NBEA: variants seen among roughly 807,000 people sequenced by gnomAD.
The protein encoded by NBEA is lysosomal-trafficking regulator 2.
A neutral mutation model predicts 343.4 loss-of-function variants in NBEA; 44 were observed. The observed-to-expected ratio is 0.13, with a 90% CI of 0.10 to 0.16. NBEA has a LOEUF of 0.16. Among genes scored for constraint, NBEA ranks in the 10% least tolerant of loss-of-function variants. NBEA has a pLI of 1.00. For missense variants in NBEA, 2,555 were observed against 3,631.3 expected, an observed-to-expected ratio of 0.70 and a Z score of 7.62; for synonymous variants, 1,175 against 1,238.7, an observed-to-expected ratio of 0.95 and a Z score of 1.08.
At chr13:35,060,403 T>A (rs534071854) in intron 8 of NBEA, among the ~76,000 whole-genome samples, 19 of 151,924 alleles carry the variant, frequency 1.3e-4, no homozygotes, top group African/African-American at 4.3e-4. Context: ...TCATTCTTTT[T>A]AACAGCAGTG....
rs967877190 is a variant in NBEA, at chr13:35,445,039, A to C, written c.6305-7053A>C. ...CTCATTCACATTTTAATGAATACGA[A>C]CACTGTTATAACAGCATGGTGGAAG... On this transcript the variant is annotated intron_variant, in intron 39 of 58. Transcript: ENST00000379939. 1.4e-4 allele frequency among the ~76,000 whole-genome samples: 21 copies of C among 152,274 alleles called. 1 individual carries two copies. The highest frequency in any genetic ancestry group is 1.1e-3 in the Admixed American group (17 of 15,284).
At chr13:35,064,579 G>T (rs542563449) in intron 8 of NBEA, among the ~76,000 whole-genome samples, 1 of 152,088 alleles carries the variant, frequency 6.6e-6, no homozygotes, top group African/African-American at 2.4e-5. Context: ...GTTGAGGTAT[G>T]TTACAAGGTG....
At chr13:35,486,782 T>C (rs2076317917) in intron 41 of NBEA, among the ~76,000 whole-genome samples, 1 of 152,044 alleles carries the variant, frequency 6.6e-6, no homozygotes, top group Admixed American at 6.6e-5. Flanking sequence ...AATACTGAGA[T>C]ACTTTTATGT....
intron 47 of NBEA, among the ~76,000 whole-genome samples, chr13:35,605,778 C>T (rs903781120): frequency 1.3e-5 from 2 of 152,170 alleles, no homozygotes; most frequent in African/African-American, 4.8e-5. Context: ...ATACAAGTAA[C>T]ACAAGTTGTC....
At position 35,222,410 on chromosome 13, in the gene NBEA, A is replaced by T. The variant is rs1312590088; in HGVS notation, c.5649-10082A>T. Among the ~76,000 whole-genome samples the T allele has an allele frequency of 2.0e-5, 3 of 152,036 alleles. No homozygotes were observed. The East Asian group carries it at 5.8e-4, about 29-fold the overall frequency. Reference sequence around the variant, plus strand: ...TGACAATTTTTATATTTTAATTGGTATTTCTACATCATTTGCATTCAGTAT... The same window carrying T: ...TGACAATTTTTATATTTTAATTGGTTTTTCTACATCATTTGCATTCAGTAT... On this transcript the variant is annotated intron_variant, in intron 33 of 58. Coordinates refer to ENST00000379939, the MANE Select transcript of NBEA (RefSeq NM_001385012.1).
intron 34 of NBEA, among the ~76,000 whole-genome samples, chr13:35,275,111 A>G (rs1260202744): frequency 6.6e-6 from 1 of 152,212 alleles, no homozygotes; most frequent in Admixed American, 6.5e-5. Flanking sequence ...AAACTATGCT[A>G]CAAGGCTACA....
At chr13:35,207,909 A>C (rs544678609) in intron 31 of NBEA, among the ~76,000 whole-genome samples, 3 of 152,268 alleles carry the variant, frequency 2.0e-5, no homozygotes, top group South Asian at 4.1e-4. Context: ...CAGCTTTACT[A>C]TGAAGAAGCT....
At chr13:35,061,072 C>T (rs965266144) in intron 8 of NBEA, among the ~76,000 whole-genome samples, 6 of 151,386 alleles carry the variant, frequency 4.0e-5, no homozygotes, top group African/African-American at 1.5e-4. Context: ...ATACGGGCTT[C>T]GAAATTAATA....
At chr13:35,539,322 G>A (rs1404959738) in intron 41 of NBEA, among the ~76,000 whole-genome samples, 1 of 152,088 alleles carries the variant, frequency 6.6e-6, no homozygotes, top group African/African-American at 2.4e-5. Context: ...AATCAGAAGG[G>A]ATCTGCCAGT....
At chr13:35,356,271 G>A (rs1430226430) in intron 38 of NBEA, among the ~76,000 whole-genome samples, 2 of 152,056 alleles carry the variant, frequency 1.3e-5, no homozygotes, top group Non-Finnish European at 2.9e-5. Flanking sequence ...TCTAAAACAG[G>A]TGTTCACAAA....
chr13:35,109,513 T>G lies in NBEA; in HGVS notation c.1833+71T>G, dbSNP rs1045999097. 6.0e-6 allele frequency: 8 copies of G among 1,328,258 alleles called. No homozygotes were observed. The African/African-American group carries it at 1.2e-4, about 20-fold the overall frequency. The allele number at this position is 1,328,258 out of a possible 1,614,324, so 82.3% of individuals were successfully genotyped here. ...CATTATAGTTGCTGGATCTATAGTA[T>G]TCAGTGGAAAACATTTGAACATTTT... On this transcript the variant is annotated intron_variant, in intron 12 of 58. Transcript: ENST00000379939.
At chr13:35,229,540 G>A (rs528867226) in intron 33 of NBEA, among the ~76,000 whole-genome samples, 2 of 152,120 alleles carry the variant, frequency 1.3e-5, no homozygotes, top group East Asian at 3.9e-4. Flanking sequence ...TAGGACTTAA[G>A]GGCATGGGCT....
At chr13:35,466,691 T>C (rs887105606) in intron 40 of NBEA, among the ~76,000 whole-genome samples, 1 of 151,920 alleles carries the variant, frequency 6.6e-6, no homozygotes, top group Non-Finnish European at 1.5e-5. Context: ...CTGGTCTCAA[T>C]CTCCTGGCCT....
Position 35,065,007 on chromosome 13 carries a change from TACATACCATTG to T in NBEA, c.1240-4898_1240-4888del, listed in dbSNP as rs372689043. The stretch of plus-strand genomic sequence containing the variant: ...CTGTGTTGTGAGCGCACACAGTCAC[TACATACCATTG>T]ACTCTTAACTCTTACTTAATCATAG... On this transcript the variant is annotated intron_variant, in intron 8 of 58. Transcript: ENST00000379939. Among the ~76,000 whole-genome samples the T allele has an allele frequency of 2.7e-5, 4 of 150,664 alleles. No homozygotes were observed. In the East Asian group the frequency reaches 7.8e-4, roughly 29 times the overall value.
intron 55 of NBEA, among the ~76,000 whole-genome samples, chr13:35,661,600 C>G (rs1468011506): frequency 6.6e-6 from 1 of 152,088 alleles, no homozygotes; most frequent in East Asian, 1.9e-4. Flanking sequence ...TGGAACAGAC[C>G]TCCACAGCAC....
chr13:35,103,719 A>G (rs2065770343), intron 11 of NBEA, among the ~76,000 whole-genome samples: 1 of 151,718 alleles, frequency 6.6e-6, no homozygotes. Context: ...ATTTAGTGGC[A>G]TTACTATTCA....
At chr13:35,416,971 G>A (rs905272220) in intron 38 of NBEA, among the ~76,000 whole-genome samples, 1 of 152,092 alleles carries the variant, frequency 6.6e-6, no homozygotes, top group Admixed American at 6.5e-5. Flanking sequence ...TTGGGAGGGT[G>A]TATGTGTTCA....
chr13:35,027,916 A>G (rs1443671068), intron 1 of NBEA, among the ~76,000 whole-genome samples: 1 of 151,870 alleles, frequency 6.6e-6, no homozygotes, highest in South Asian at 2.1e-4. Flanking sequence ...TTGCTCTGAC[A>G]TTGTTTGCTA....
At chr13:35,242,987 T>C (rs1454261680) in intron 34 of NBEA, among the ~76,000 whole-genome samples, 1 of 151,838 alleles carries the variant, frequency 6.6e-6, no homozygotes, top group African/African-American at 2.4e-5. Context: ...AATAGACATA[T>C]TACAAATATG....
Sources: gnomAD v4.1 joint callset for allele counts (sites outside exome capture counted in the v4.1 genomes callset) on GRCh38, gnomAD v4.1.1 for gene constraint, MANE v1.5 for transcripts, NCBI Gene and HGNC (gene_info 2026-07-23, HGNC 2026-07-21) for gene names.